Variants in ZFHX3 observed in about 807,000 individuals in gnomAD.
ZFHX3 encodes the protein zinc finger homeobox 3.
Under a neutral mutation model 279.1 loss-of-function variants are expected in ZFHX3, and 42 were observed. The observed-to-expected ratio is 0.15, with a 90% CI of 0.12 to 0.19. The LOEUF (loss-of-function observed/expected upper bound fraction) is 0.19, where lower values mean the gene tolerates loss of function less well. Ranked by LOEUF, ZFHX3 falls within the 10% of genes least tolerant of loss-of-function variation. The pLI is 1.00. For missense variants in ZFHX3, 4,981 were observed against 4,754.0 expected (o/e 1.05, Z -1.40); for synonymous variants, 2,293 against 1,957.8 (o/e 1.17, Z -4.52).
intron 2 of ZFHX3, among the ~76,000 whole-genome samples, chr16:72,951,818 A>G (rs565267801): frequency 5.5e-4 from 84 of 152,332 alleles, no homozygotes; most frequent in African/African-American, 2.0e-3. Context: ...TGCAGCAGTC[A>G]CTGGCTACCT....
chr16:73,354,887 C>T (rs1482630174), intron 3 of ZFHX3, among the ~76,000 whole-genome samples: 2 of 152,194 alleles, frequency 1.3e-5, no homozygotes, highest in African/African-American at 4.8e-5. Context: ...TCTCTCTTAG[C>T]CCTAAATGGA....
At chr16:73,264,977 T>C (rs2013928133) in intron 4 of ZFHX3, among the ~76,000 whole-genome samples, 1 of 150,398 alleles carries the variant, frequency 6.6e-6, no homozygotes, top group African/African-American at 2.4e-5. Flanking sequence ...TATGTGTATA[T>C]ATATGTGTGT....
chr16:72,808,356 G>A (rs909201163), intron 7 of ZFHX3, among the ~76,000 whole-genome samples: 2 of 151,584 alleles, frequency 1.3e-5, no homozygotes, highest in East Asian at 1.9e-4. Context: ...TTTTCCTGCT[G>A]AACTAAAGGC....
intron 1 of ZFHX3, among the ~76,000 whole-genome samples, chr16:73,805,904 G>A (rs1214090058): frequency 2.6e-5 from 4 of 152,212 alleles, no homozygotes; most frequent in Non-Finnish European, 5.9e-5. Context: ...TCAGTGAAAT[G>A]AGGGAACATG....
chr16:72,832,591 G>A (rs537439915), intron 4 of ZFHX3, among the ~76,000 whole-genome samples: 33 of 152,330 alleles, frequency 2.2e-4, no homozygotes, highest in African/African-American at 7.9e-4. Flanking sequence ...ATGCGTGGTA[G>A]AAGAAGAAAT....
At chr16:73,066,527 C>T (rs1245168965) in intron 8 of ZFHX3, among the ~76,000 whole-genome samples, 1 of 152,106 alleles carries the variant, frequency 6.6e-6, no homozygotes, top group Admixed American at 6.5e-5. Flanking sequence ...GCAGAGTCGC[C>T]GCACTGGGAC....
At chr16:73,354,148 C>T (rs186461552) in intron 3 of ZFHX3, among the ~76,000 whole-genome samples, 224 of 152,222 alleles carry the variant, frequency 1.5e-3, no homozygotes, top group Non-Finnish European at 1.7e-3. Context: ...TCATCTGGCA[C>T]GCACTTACAC....
intron 3 of ZFHX3, among the ~76,000 whole-genome samples, chr16:73,353,339 C>G (rs983153884): frequency 6.6e-6 from 1 of 152,204 alleles, no homozygotes; most frequent in African/African-American, 2.4e-5. Context: ...AAAGCAAGGA[C>G]TGCCATCCAT....
chr16:73,105,458 T>TACACACACACATATATA (rs1396464674), intron 7 of ZFHX3, among the ~76,000 whole-genome samples: 1 of 63,516 alleles, frequency 1.6e-5, no homozygotes. Flanking sequence ...TATATATATA[T>TACACACACACATATATA]TTTTTCCCCC....
chr16:72,896,966 T>C lies in ZFHX3; in HGVS notation c.3217-7004A>G, dbSNP rs367632999. On this transcript the variant is annotated intron_variant, in intron 3 of 9. Coordinates refer to ENST00000268489, the MANE Select transcript of ZFHX3 (RefSeq NM_006885.4). The stretch of plus-strand genomic sequence containing the variant: ...TGGCCGCCCTCTCGGCACACTGTGC[T>C]GTGCACACAGGCACACACGGCAACT... 2.1e-3 allele frequency among the ~76,000 whole-genome samples: 321 copies of C among 152,386 alleles called. 16 individuals carry two copies. In the South Asian group the frequency reaches 0.064, roughly 30 times the overall value.
chr16:73,534,742 C>T (rs1363809193), intron 2 of ZFHX3, among the ~76,000 whole-genome samples: 1 of 152,222 alleles, frequency 6.6e-6, no homozygotes, highest in Non-Finnish European at 1.5e-5. Flanking sequence ...TCATCGTAAT[C>T]GTCACAGTTG....
chr16:73,817,819 A>T (rs1314599719), intron 1 of ZFHX3, among the ~76,000 whole-genome samples: 1 of 152,160 alleles, frequency 6.6e-6, no homozygotes, highest in East Asian at 1.9e-4. Flanking sequence ...TACTTGATGT[A>T]CTTGAAAGGT....
intron 1 of ZFHX3, among the ~76,000 whole-genome samples, chr16:73,868,630 A>T (rs1962090217): frequency 6.6e-6 from 1 of 152,216 alleles, no homozygotes; most frequent in African/African-American, 2.4e-5. Flanking sequence ...TACCATGTGA[A>T]CGCAAAACTT....
At chr16:73,723,613 T>C (rs2142240656) in intron 1 of ZFHX3, among the ~76,000 whole-genome samples, 1 of 152,292 alleles carries the variant, frequency 6.6e-6, no homozygotes, top group South Asian at 2.1e-4. Flanking sequence ...CACATAAAAA[T>C]AGGACTGGGG....
At chr16:73,865,783 T>A (rs1962000625) in intron 1 of ZFHX3, among the ~76,000 whole-genome samples, 1 of 150,250 alleles carries the variant, frequency 6.7e-6, no homozygotes, top group African/African-American at 2.5e-5. Context: ...ATCAAGACCA[T>A]CCTGGCTAAC....
At chr16:73,556,673 G>A (rs1362638823) in intron 2 of ZFHX3, among the ~76,000 whole-genome samples, 1 of 151,964 alleles carries the variant, frequency 6.6e-6, no homozygotes, top group Non-Finnish European at 1.5e-5. Context: ...AAAGGAAGGA[G>A]TCCTAGGGGG....
At chr16:73,159,430 A>G (rs1967172984) in intron 5 of ZFHX3, among the ~76,000 whole-genome samples, 1 of 152,156 alleles carries the variant, frequency 6.6e-6, no homozygotes, top group African/African-American at 2.4e-5. Flanking sequence ...CCAAACTGGA[A>G]AAGTATGTGT....
In ZFHX3 at chr16:73,609,806, A is replaced by G. The variant is rs189314632; in HGVS notation, c.-1547+70374T>C. 3 of 152,360 alleles carry G rather than the reference A, an allele frequency of 2.0e-5. No homozygotes were observed. The East Asian group carries it at 5.8e-4, about 29-fold the overall frequency. The allele number at this position is 152,360 out of a possible 1,614,324, so 9.4% of individuals were successfully genotyped here. A position where few individuals can be genotyped will look rare whatever the true frequency, so the allele number is the denominator to read the frequency against. ...TTCACACCCAATCAAGTTGAATCCTAATTTCATTCTAGCACATGGCATAGA... is the reference window on the plus strand; with the variant it reads ...TTCACACCCAATCAAGTTGAATCCTGATTTCATTCTAGCACATGGCATAGA... On this transcript the variant is annotated intron_variant, in intron 2 of 17. Transcript: ENST00000641206.
intron 7 of ZFHX3, among the ~76,000 whole-genome samples, chr16:73,121,597 C>T (rs1051752885): frequency 1.1e-4 from 16 of 151,362 alleles, no homozygotes; most frequent in Admixed American, 2.0e-4. Flanking sequence ...ATTAGGCTGG[C>T]GCAGAACTAA....
Sources: allele counts gnomAD v4.1 joint callset (sites outside exome capture counted in the v4.1 genomes callset), GRCh38; gene constraint gnomAD v4.1.1; transcripts MANE v1.5; gene names NCBI Gene and HGNC (gene_info 2026-07-23, HGNC 2026-07-21).